CACNA1B: variants seen among roughly 807,000 people sequenced by gnomAD.
The protein encoded by CACNA1B is calcium voltage-gated channel subunit alpha1 B.
A neutral mutation model predicts 247.2 loss-of-function variants in CACNA1B; 70 were observed. That is an observed-to-expected ratio of 0.28 (90% confidence interval 0.23 to 0.35). The LOEUF is 0.35. CACNA1B is among the 10% of genes least tolerant of loss of function. The pLI, the probability that CACNA1B is intolerant of heterozygous loss-of-function variation, is 1.00. For synonymous variants in CACNA1B, 1,231 were observed against 1,294.4 expected, an observed-to-expected ratio of 0.95 and a Z score of 1.05; for missense variants, 2,367 against 3,197.4, an observed-to-expected ratio of 0.74 and a Z score of 6.26.
intron 36 of CACNA1B, among the ~76,000 whole-genome samples, chr9:138,095,521 A>G (rs913704564): frequency 2.0e-5 from 3 of 152,214 alleles, no homozygotes; most frequent in Non-Finnish European, 2.9e-5. Context: ...GCCAGTAGGA[A>G]TGTAAAATGC....
At chr9:138,015,193 C>A (rs10867093) in intron 18 of CACNA1B, among the ~76,000 whole-genome samples, 1 of 152,026 alleles carries the variant, frequency 6.6e-6, no homozygotes, top group Non-Finnish European at 1.5e-5. Context: ...CAGCCCGAGG[C>A]GTCCAGGTGT....
intron 20 of CACNA1B, among the ~76,000 whole-genome samples, chr9:138,036,540 G>A (rs993684336): frequency 7.9e-5 from 12 of 152,266 alleles, no homozygotes; most frequent in African/African-American, 2.2e-4. Flanking sequence ...GTTTTACATC[G>A]TAGAAAATTC....
At position 137,971,350 on chromosome 9, in the gene CACNA1B, C is replaced by T. The variant is rs201202286; in HGVS notation, c.1334-33C>T. 1.5e-5 allele frequency: 23 copies of T among 1,539,192 alleles called. No individual in the cohort carries two copies. In the Middle Eastern group the frequency reaches 1.7e-3, roughly 112 times the overall value. ...GTGGGGTAGGCGGGTGCCCATTGGT[C>T]CCCACATCCTCAGTAACTCCCCATC... On this transcript the variant is annotated intron_variant, in intron 10 of 46. Coordinates refer to ENST00000371372, the MANE Select transcript of CACNA1B (RefSeq NM_000718.4). The surrounding 1 kb of genome is among the most constrained non-coding windows in gnomAD (Gnocchi z 4.4).
chr9:138,080,621 A>G (rs1313451869), intron 36 of CACNA1B, among the ~76,000 whole-genome samples: 1 of 152,214 alleles, frequency 6.6e-6, no homozygotes, highest in Non-Finnish European at 1.5e-5. Context: ...TAACAAGAAT[A>G]GAAGTGGAGA....
Position 138,120,346 on chromosome 9 carries a change from C to T in CACNA1B, c.6212C>T (p.Pro2071Leu). 6.4e-7 allele frequency: 1 copy of T among 1,556,506 alleles called. No homozygotes were observed. ...DRKQRSLEKGPSLSADMDGAP... is the reference protein window; with the variant it reads ...DRKQRSLEKGLSLSADMDGAP... ...AAGCAGAGGTCCCTGGAGAAGGGGC[C>T]CAGCCTGTCTGCCGATATGGATGGC... is the stretch of plus-strand genomic sequence containing the variant. The change falls in exon 45 of 47, where the codon CCC becomes CTC. Residue 2071 changes from proline to leucine, a missense_variant. Around this residue, in one of 12 missense-constraint regions of CACNA1B, gnomAD observed 773 missense variants for 779.4 expected, o/e 0.99. Transcript: ENST00000371372.
chr9:138,118,730 C>A lies in CACNA1B; in HGVS notation c.5992C>A (p.Arg1998=). 1 of 1,549,440 alleles carries A rather than the reference C, an allele frequency of 6.5e-7. No homozygotes were observed. The highest frequency in any genetic ancestry group is 8.7e-7 in the Non-Finnish European group (1 of 1,145,470). ...CCAGCCTGGGCTGGAGAGCCAGGGT[C>A]GAGCGGCCTCCATGCCCCGCCTTGC... ...EPQPGLESQG[R]AASMPRLAAE... The change falls in exon 44 of 47, where the codon CGA becomes AGA. Residue 1998 remains arginine (R), a synonymous_variant. Transcript: ENST00000371372.
At chr9:138,094,403 T>C (rs2131339723) in intron 36 of CACNA1B, among the ~76,000 whole-genome samples, 1 of 150,038 alleles carries the variant, frequency 6.7e-6, no homozygotes, top group South Asian at 2.1e-4. Flanking sequence ...TTAAAAATTG[T>C]TAAAATGGAA....
intron 38 of CACNA1B, among the ~76,000 whole-genome samples, chr9:138,105,372 A>G (rs1445222588): frequency 9.2e-5 from 14 of 152,222 alleles, no homozygotes; most frequent in Admixed American, 8.5e-4. Context: ...AGCCAAGGCT[A>G]CACTCCTACA....
At chr9:138,037,989 C>G (rs1959067732) in intron 20 of CACNA1B, among the ~76,000 whole-genome samples, 1 of 152,132 alleles carries the variant, frequency 6.6e-6, no homozygotes, top group Non-Finnish European at 1.5e-5. Context: ...AAGATCTTAC[C>G]TCATTAACTG....
Position 138,121,670 on chromosome 9 carries a change from G to A in CACNA1B, c.6691G>A (p.Gly2231Arg). The A allele has an allele frequency of 6.2e-7, 1 of 1,613,060 alleles. No homozygotes were observed. The highest frequency in any genetic ancestry group is 8.5e-7 in the Non-Finnish European group (1 of 1,179,464). ...CTTCTCCCCAGGCCGGCTCAGCCGT[G>A]GGCTTTCCGAACACAACGCCCTGCT... ...PAFSPGRLSR[G>R]LSEHNALLQR... The change falls in exon 47 of 47, where the codon GGG becomes AGG. Residue 2231 changes from glycine to arginine, a missense_variant. Physicochemically the swap from Gly to Arg is moderately radical, Grantham distance 125. Around this residue, in one of 12 missense-constraint regions of CACNA1B, gnomAD observed 773 missense variants for 779.4 expected, o/e 0.99. Coordinates refer to ENST00000371372, the MANE Select transcript of CACNA1B (RefSeq NM_000718.4). This position sits in a 1 kb window ranked among gnomAD's most constrained non-coding sequence, Gnocchi z 6.8.
chr9:138,102,527 A>G lies in CACNA1B; in HGVS notation c.5223-184A>G, dbSNP rs1471052351. Among the ~76,000 whole-genome samples, 1 of 152,056 alleles carries G rather than the reference A, an allele frequency of 6.6e-6. No homozygotes were observed. Among genetic ancestry groups the G allele is most frequent in the African/African-American group, 2.4e-5 (1 of 41,394 alleles). On this transcript the variant is annotated intron_variant, in intron 37 of 46. Coordinates refer to ENST00000371372, the MANE Select transcript of CACNA1B (RefSeq NM_000718.4). This position sits in a 1 kb window ranked among gnomAD's most constrained non-coding sequence, Gnocchi z 5.4. ...GCCAGGAGGGGGTCAAGCCAAGCAG[A>G]GAAATCCCTCATTTTATTTATTTTG...
In CACNA1B at chr9:138,057,942, C is replaced by A. The variant is rs1405461056; in HGVS notation, c.4106+73C>A. ...CTCGGCCTCCCTTCCTCCCTCTATC[C>A]CTGGGCTCAGGCATGGAAGCAGACC... On this transcript the variant is annotated intron_variant, in intron 27 of 46. Coordinates refer to ENST00000371372, the MANE Select transcript of CACNA1B (RefSeq NM_000718.4). This position sits in a 1 kb window ranked among gnomAD's most constrained non-coding sequence, Gnocchi z 4.0. The A allele has an allele frequency of 6.3e-6, 10 of 1,575,076 alleles. No homozygotes were observed. The Admixed American group carries it at 1.7e-4, about 27-fold the overall frequency.
rs1958140299 is a variant in CACNA1B, at chr9:137,971,041, T to C, written c.1334-342T>C. Among the ~76,000 whole-genome samples, 1 of 152,168 alleles carries C rather than the reference T, an allele frequency of 6.6e-6. No homozygotes were observed. Among genetic ancestry groups the C allele is most frequent in the Admixed American group, 6.5e-5 (1 of 15,292 alleles). ...CTGGGGAGGGACTAACTCAGATTTA[T>C]GTCTTCAGGGGAAAAAGCTTGGGGT... On this transcript the variant is annotated intron_variant, in intron 10 of 46. Coordinates refer to ENST00000371372, the MANE Select transcript of CACNA1B (RefSeq NM_000718.4). This position sits in a 1 kb window ranked among gnomAD's most constrained non-coding sequence, Gnocchi z 4.4.
intron 31 of CACNA1B, among the ~76,000 whole-genome samples, chr9:138,063,025 G>A (rs566460423): frequency 2.6e-5 from 4 of 152,384 alleles, no homozygotes; most frequent in Admixed American, 2.0e-4. Context: ...CTTCACTGAC[G>A]TGGAAGGTCC....
chr9:137,893,249 T>A (rs1588986504), intron 3 of CACNA1B, among the ~76,000 whole-genome samples: 1 of 138,996 alleles, frequency 7.2e-6, no homozygotes, highest in Admixed American at 7.0e-5. Flanking sequence ...TTTTTTTTTT[T>A]AAAGCTGACT....
chr9:138,074,426 A>T (rs1960243843), intron 34 of CACNA1B, among the ~76,000 whole-genome samples: 1 of 152,154 alleles, frequency 6.6e-6, no homozygotes, highest in Admixed American at 6.5e-5. Context: ...TTTTTAGTAG[A>T]GACAGGGTTT....
intron 38 of CACNA1B, among the ~76,000 whole-genome samples, chr9:138,104,192 G>A (rs1415560752): frequency 6.6e-6 from 1 of 152,234 alleles, no homozygotes; most frequent in South Asian, 2.1e-4. Flanking sequence ...ACCTTGGAGG[G>A]CCCAGGGCAG....
chr9:137,951,164 G>T (rs529322925), intron 6 of CACNA1B, among the ~76,000 whole-genome samples: 32 of 152,362 alleles, frequency 2.1e-4, no homozygotes, highest in African/African-American at 7.7e-4. Context: ...CCGGACAGAG[G>T]TGTGGTCTAG....
At chr9:137,936,048 G>A (rs910282833) in intron 6 of CACNA1B, among the ~76,000 whole-genome samples, 75 of 152,274 alleles carry the variant, frequency 4.9e-4, no homozygotes, top group African/African-American at 1.6e-3. Context: ...TAGTAGAGAC[G>A]GGGTTTCACC....
Sources: allele counts gnomAD v4.1 joint callset (sites outside exome capture counted in the v4.1 genomes callset), GRCh38; gene constraint gnomAD v4.1.1; regional missense constraint gnomAD v4.1.1; non-coding constraint Gnocchi (gnomAD v3.1); transcripts MANE v1.5; gene names NCBI Gene and HGNC (gene_info 2026-07-23, HGNC 2026-07-21).